Variants in SLC7A5 observed in about 807,000 individuals in gnomAD.
The protein encoded by SLC7A5 is large neutral amino acids transporter small subunit 1.
In SLC7A5, 23 loss-of-function variants were observed where a neutral mutation model predicts 50.2. The observed-to-expected ratio is 0.46, with a 90% CI of 0.33 to 0.65. The LOEUF is 0.65. Ranked by LOEUF, SLC7A5 falls within the 30% of genes least tolerant of loss-of-function variation. The pLI is 0.02. For synonymous variants in SLC7A5, 393 were observed against 330.6 expected, an observed-to-expected ratio of 1.19 and a Z score of -2.05; for missense variants, 578 against 684.4, an observed-to-expected ratio of 0.84 and a Z score of 1.73.
rs895536729 is a variant in SLC7A5, at chr16:87,861,946, C to T, written c.538+6939G>A. ...GATTTCAGCACTAATCACTGGCTGCCGCCTGCAATGAGCCCACGGCTTGAG... is the reference window on the plus strand; with the variant it reads ...GATTTCAGCACTAATCACTGGCTGCTGCCTGCAATGAGCCCACGGCTTGAG... On this transcript the variant is annotated intron_variant, in intron 1 of 9. Transcript: ENST00000261622. The surrounding 1 kb of genome is among the most constrained non-coding windows in gnomAD (Gnocchi z 4.2). Among the ~76,000 whole-genome samples the T allele has an allele frequency of 6.6e-6, 1 of 152,194 alleles. No homozygotes were observed. The highest frequency in any genetic ancestry group is 2.4e-5 in the African/African-American group (1 of 41,432).
chr16:87,852,531 A>G lies in SLC7A5; in HGVS notation c.539-682T>C, dbSNP rs79417065. On this transcript the variant is annotated intron_variant, in intron 1 of 9. Transcript: ENST00000261622. The surrounding 1 kb of genome is among the most constrained non-coding windows in gnomAD (Gnocchi z 4.5). ...TGAGTGACCCCACACAGATGGCCAG[A>G]ACGCCTGCCCCAGGAGGCGCTGAGA... Among the ~76,000 whole-genome samples, 793 of 152,194 alleles carry G rather than the reference A, an allele frequency of 5.2e-3. 9 individuals carry two copies. The highest frequency in any genetic ancestry group is 0.018 in the African/African-American group (759 of 41,500).
At position 87,841,519 on chromosome 16, in the gene SLC7A5, A is replaced by C. The variant is rs1310611077; in HGVS notation, c.665-364T>G. Among the ~76,000 whole-genome samples the C allele has an allele frequency of 1.3e-5, 2 of 152,220 alleles. No individual in the cohort carries two copies. Among genetic ancestry groups the C allele is most frequent in the Non-Finnish European group, 2.9e-5 (2 of 68,018 alleles). On this transcript the variant is annotated intron_variant, in intron 2 of 9. Coordinates refer to ENST00000261622, the MANE Select transcript of SLC7A5 (RefSeq NM_003486.7). This position sits in a 1 kb window ranked among gnomAD's most constrained non-coding sequence, Gnocchi z 4.8. ...GACCTCACGACATGAGTGTCAAGGC[A>C]GTATAAAGCCAGGAGACCTCGGTTT... is the stretch of plus-strand genomic sequence containing the variant.
rs771592683 is a variant in SLC7A5 at position 87,868,929 on chromosome 16, G to C, written c.494C>G (p.Pro165Arg). Residue 165 changes from proline to arginine, a missense_variant, in exon 1 of 10, where the codon CCG becomes CGG. Pro to Arg is a moderately radical substitution (Grantham distance 103). Around this residue, in one of 2 missense-constraint regions of SLC7A5, gnomAD observed 465 missense variants for 594.6 expected, o/e 0.78. Transcript: ENST00000261622. ...GAGCTTGGCTGCCTCCTCGGGCACC[G>C]GGCAGGTGGGGAAGAGCGGCTTGAG... Reference protein sequence around the residue: ...YLLKPLFPTCPVPEEAAKLVA... With the variant: ...YLLKPLFPTCRVPEEAAKLVA... 1.9e-6 allele frequency: 3 copies of C among 1,610,150 alleles called. No homozygotes were observed. Among genetic ancestry groups the C allele is most frequent in the Non-Finnish European group, 2.5e-6 (3 of 1,179,298 alleles).
rs149997466 is a variant in SLC7A5, at chr16:87,865,901, G to A, written c.538+2984C>T. 7.4e-3 allele frequency among the ~76,000 whole-genome samples: 1,129 copies of A among 152,264 alleles called. 10 individuals are homozygous for A. Among genetic ancestry groups the A allele is most frequent in the African/African-American group, 0.026 (1,074 of 41,532 alleles). On this transcript the variant is annotated intron_variant, in intron 1 of 9. Coordinates refer to ENST00000261622, the MANE Select transcript of SLC7A5 (RefSeq NM_003486.7). ...AATTGGGAGGCTGAGGCACATGCCT[G>A]TAATCTAAGCTCCGGAGGTTGAGGC... is the stretch of plus-strand genomic sequence containing the variant.
rs761997351 is a variant in SLC7A5, at chr16:87,836,671, G to A, written c.1141-24C>T. ...CACTGGAAGAGAGAGGCGGCTGGCT[G>A]AGCCCTGGGGCCCACGAGCAGGGCT... On this transcript the variant is annotated intron_variant, in intron 7 of 9. Transcript: ENST00000261622. 22 of 1,609,062 alleles carry A rather than the reference G, an allele frequency of 1.4e-5. No individual in the cohort carries two copies. The South Asian group carries it at 2.1e-4, about 15-fold the overall frequency.
Position 87,860,150 on chromosome 16 carries a change from T to A in SLC7A5, c.539-8301A>T, listed in dbSNP as rs571629394. Among the ~76,000 whole-genome samples the A allele has an allele frequency of 3.3e-5, 5 of 151,940 alleles. No individual in the cohort carries two copies. In the South Asian group the frequency reaches 6.2e-4, roughly 19 times the overall value. The stretch of plus-strand genomic sequence containing the variant: ...GAGTTCGAAACCAGCCTGACCAACA[T>A]GGTGAAACCCCCGTCTCTACTAAAA... On this transcript the variant is annotated intron_variant, in intron 1 of 9. Transcript: ENST00000261622. This position sits in a 1 kb window ranked among gnomAD's most constrained non-coding sequence, Gnocchi z 4.8.
rs185372357 is a variant in SLC7A5 at position 87,865,631 on chromosome 16, C to T, written c.538+3254G>A. ...CTGAGGCAGGAGAGTCGCTTGAACCCGGGATGCGGAGGTTGTAGTGAGCCA... is the reference window on the plus strand; with the variant it reads ...CTGAGGCAGGAGAGTCGCTTGAACCTGGGATGCGGAGGTTGTAGTGAGCCA... On this transcript the variant is annotated intron_variant, in intron 1 of 9. Transcript: ENST00000261622. Among the ~76,000 whole-genome samples the T allele has an allele frequency of 8.7e-4, 132 of 152,200 alleles. 5 individuals carry two copies. Among genetic ancestry groups the T allele is most frequent in the Middle Eastern group, 3.4e-3 (1 of 294 alleles).
chr16:87,854,632 G>A (rs1257736534), intron 1 of SLC7A5, among the ~76,000 whole-genome samples: 2 of 152,364 alleles, frequency 1.3e-5, no homozygotes, highest in African/African-American at 4.8e-5. Context: ...CACAGGGCCA[G>A]CCACCCCCAG....
intron 2 of SLC7A5, among the ~76,000 whole-genome samples, chr16:87,849,574 C>T (rs376719982): frequency 2.6e-4 from 40 of 152,308 alleles, no homozygotes; most frequent in African/African-American, 9.1e-4. Flanking sequence ...AAGGCCTTCA[C>T]GAGCAAAGCA....
chr16:87,855,457 G>GCA (rs555166188), intron 1 of SLC7A5, among the ~76,000 whole-genome samples: 133 of 152,152 alleles, frequency 8.7e-4, no homozygotes, highest in African/African-American at 2.9e-3. Flanking sequence ...TCACACACGT[G>GCA]CACACACACG....
intron 2 of SLC7A5, among the ~76,000 whole-genome samples, chr16:87,850,185 A>C (rs952034077): frequency 2.0e-5 from 3 of 152,266 alleles, no homozygotes; most frequent in African/African-American, 7.2e-5. Flanking sequence ...GGCTCAGCTA[A>C]AGCTGCGTGC....
In SLC7A5 at chr16:87,841,573, C is replaced by G. The variant is rs2055083411; in HGVS notation, c.665-418G>C. On this transcript the variant is annotated intron_variant, in intron 2 of 9. Coordinates refer to ENST00000261622, the MANE Select transcript of SLC7A5 (RefSeq NM_003486.7). The surrounding 1 kb of genome is among the most constrained non-coding windows in gnomAD (Gnocchi z 4.8). Reference sequence around the variant, plus strand: ...TCCTGGCTACGGCAACAAGGAAGGCCCAGAGCCACTAGGGCCCTGCTTCTT... The same window carrying G: ...TCCTGGCTACGGCAACAAGGAAGGCGCAGAGCCACTAGGGCCCTGCTTCTT... 6.6e-6 allele frequency among the ~76,000 whole-genome samples: 1 copy of G among 152,214 alleles called. No homozygotes were observed. Among genetic ancestry groups the G allele is most frequent in the Non-Finnish European group, 1.5e-5 (1 of 68,030 alleles).
At position 87,861,489 on chromosome 16, in the gene SLC7A5, G is replaced by GCTCGCTCCTGC. The variant is rs1327421119; in HGVS notation, c.538+7385_538+7395dup. Among the ~76,000 whole-genome samples, 1 of 152,088 alleles carries GCTCGCTCCTGC rather than the reference G, an allele frequency of 6.6e-6. No homozygotes were observed. Among genetic ancestry groups the GCTCGCTCCTGC allele is most frequent in the East Asian group, 1.9e-4 (1 of 5,176 alleles). On this transcript the variant is annotated intron_variant, in intron 1 of 9. Coordinates refer to ENST00000261622, the MANE Select transcript of SLC7A5 (RefSeq NM_003486.7). This position sits in a 1 kb window ranked among gnomAD's most constrained non-coding sequence, Gnocchi z 4.2. ...TGGGCACTGTGGCCCCTGGCTCCTG[G>GCTCGCTCCTGC]CTCGCTCCTGCCTCAGTTTCCCCAG...
intron 2 of SLC7A5, 113 bp downstream of exon 2, chr16:87,851,611 G>T (rs901461037): frequency 7.6e-7 from 1 of 1,311,452 alleles, no homozygotes; most frequent in Non-Finnish European, 1.1e-6. Flanking sequence ...ACGTTGTACA[G>T]CACTGCAGAG....
At chr16:87,851,168 G>C (rs1462252750) in intron 2 of SLC7A5, among the ~76,000 whole-genome samples, 2 of 152,214 alleles carry the variant, frequency 1.3e-5, no homozygotes, top group Non-Finnish European at 1.5e-5. Flanking sequence ...CTGAGTGATG[G>C]GGTTACCACG....
At position 87,833,091 on chromosome 16, in the gene SLC7A5, G is replaced by T. The variant is rs908338957; in HGVS notation, c.1469-66C>A. 7.4e-6 allele frequency: 10 copies of T among 1,360,076 alleles called. No individual in the cohort carries two copies. The highest frequency in any genetic ancestry group is 1.8e-4 in the Middle Eastern group (1 of 5,506). The allele number at this position is 1,360,076 out of a possible 1,614,324, so 84.3% of individuals were successfully genotyped here. ...GTAGGCACCCGTGGGACACGGGGGCGTGAGCTGGGGCTCCCCCAGCCCTGC... is the reference window on the plus strand; with the variant it reads ...GTAGGCACCCGTGGGACACGGGGGCTTGAGCTGGGGCTCCCCCAGCCCTGC... On this transcript the variant is annotated intron_variant, in intron 9 of 9. Coordinates refer to ENST00000261622, the MANE Select transcript of SLC7A5 (RefSeq NM_003486.7). This position sits in a 1 kb window ranked among gnomAD's most constrained non-coding sequence, Gnocchi z 6.0.
At chr16:87,846,571 C>T (rs1454247347) in intron 2 of SLC7A5, among the ~76,000 whole-genome samples, 5 of 152,186 alleles carry the variant, frequency 3.3e-5, no homozygotes, top group African/African-American at 1.2e-4. Flanking sequence ...GATCCTTGTC[C>T]ACACAAGAGG....
At chr16:87,856,007 C>T (rs2055314055) in intron 1 of SLC7A5, among the ~76,000 whole-genome samples, 1 of 152,164 alleles carries the variant, frequency 6.6e-6, no homozygotes, top group African/African-American at 2.4e-5. Context: ...TCCTGCAGGG[C>T]TCAGCACCTT....
At position 87,862,824 on chromosome 16, in the gene SLC7A5, TG is replaced by T. The variant is rs2055415769; in HGVS notation, c.538+6060del. On this transcript the variant is annotated intron_variant, in intron 1 of 9. Coordinates refer to ENST00000261622, the MANE Select transcript of SLC7A5 (RefSeq NM_003486.7). This position sits in a 1 kb window ranked among gnomAD's most constrained non-coding sequence, Gnocchi z 5.3. ...TGGTTGCTTTTGGCCTGATGCTAGC[TG>T]GACAGTGTCTCAGCTCACAGGTTCC... Among the ~76,000 whole-genome samples, 1 of 152,216 alleles carries T rather than the reference TG, an allele frequency of 6.6e-6. No homozygotes were observed. The highest frequency in any genetic ancestry group is 1.9e-4 in the East Asian group (1 of 5,190).
Sources: gnomAD v4.1 joint callset for allele counts (sites outside exome capture counted in the v4.1 genomes callset) on GRCh38, gnomAD v4.1.1 for gene constraint, gnomAD v4.1.1 regional missense constraint, Gnocchi (gnomAD v3.1) non-coding constraint, MANE v1.5 for transcripts, NCBI Gene and HGNC (gene_info 2026-07-23, HGNC 2026-07-21) for gene names.